The following NRXN1 variants were observed in gnomAD, a reference collection of about 807,000 sequenced individuals.
The protein encoded by NRXN1 is neurexin-1.
Under a neutral mutation model 150.9 loss-of-function variants are expected in NRXN1, and 39 were observed. The observed-to-expected ratio is 0.26, with a 90% CI of 0.20 to 0.34. The LOEUF (loss-of-function observed/expected upper bound fraction) is 0.34. Among genes scored for constraint, NRXN1 ranks in the 10% least tolerant of loss-of-function variants. The probability of loss-of-function intolerance (pLI) is 1.00; values close to 1 mark genes in which losing one functional copy is unlikely to be tolerated. For missense variants in NRXN1, 1,815 were observed against 1,949.9 expected (o/e 0.93, Z 1.30); for synonymous variants, 924 against 757.0 (o/e 1.22, Z -3.62).
intron 21 of NRXN1, chr2:49,973,199 T>A (rs1678259953): frequency 2.0e-5 from 3 of 152,208 alleles, no homozygotes; most frequent in Non-Finnish European, 4.4e-5. Context: ...AATTATTTCA[T>A]CTGGGAGGCA....
chr2:50,786,365 A>G (rs1020883989), intron 5 of NRXN1, among the ~76,000 whole-genome samples: 2 of 152,132 alleles, frequency 1.3e-5, no homozygotes, highest in Non-Finnish European at 2.9e-5. Context: ...GCCAGTCTAT[A>G]AAAGGCTTCA....
intron 17 of NRXN1, among the ~76,000 whole-genome samples, chr2:50,294,189 A>G (rs955411134): frequency 1.3e-5 from 2 of 152,226 alleles, no homozygotes; most frequent in Non-Finnish European, 1.5e-5. Flanking sequence ...GGAGTAAAAT[A>G]AAGTAAGAGC....
chr2:50,797,165 G>C (rs183665020), intron 5 of NRXN1, among the ~76,000 whole-genome samples: 162 of 152,220 alleles, frequency 1.1e-3, no homozygotes, highest in African/African-American at 3.9e-3. Context: ...TCAGATCATA[G>C]CAATTAGTTT....
intron 2 of NRXN1, among the ~76,000 whole-genome samples, chr2:50,981,199 G>A (rs1019326842): frequency 7.9e-5 from 12 of 151,966 alleles, no homozygotes; most frequent in Admixed American, 5.3e-4. Flanking sequence ...GCTCACATCC[G>A]TAATCCCAGC....
chr2:50,863,643 G>A (rs1282070264), intron 5 of NRXN1, among the ~76,000 whole-genome samples: 1 of 151,976 alleles, frequency 6.6e-6, no homozygotes, highest in Non-Finnish European at 1.5e-5. Context: ...TCCTAAAAAT[G>A]TCTGAAAACA....
chr2:50,251,572 G>T (rs1484559764), intron 17 of NRXN1, among the ~76,000 whole-genome samples: 1 of 152,088 alleles, frequency 6.6e-6, no homozygotes, highest in Non-Finnish European at 1.5e-5. Flanking sequence ...GGGTCAAATG[G>T]TATTTCTGGT....
intron 21 of NRXN1, among the ~76,000 whole-genome samples, chr2:49,944,513 T>G (rs1300065456): frequency 6.6e-6 from 1 of 152,160 alleles, no homozygotes; most frequent in Non-Finnish European, 1.5e-5. Context: ...GACATTCTAG[T>G]TGCTTCATTG....
intron 17 of NRXN1, among the ~76,000 whole-genome samples, chr2:50,357,340 C>G (rs563778185): frequency 4.6e-5 from 7 of 151,228 alleles, no homozygotes; most frequent in Admixed American, 4.0e-4. Context: ...CAAAGTTTCA[C>G]TCTTGTTGCC....
intron 17 of NRXN1, among the ~76,000 whole-genome samples, chr2:50,328,603 G>A (rs1310568940): frequency 2.6e-5 from 4 of 152,072 alleles, no homozygotes; most frequent in Non-Finnish European, 5.9e-5. Context: ...TGGCATAGTG[G>A]TGGGCACCTG....
At position 50,806,914 on chromosome 2, in the gene NRXN1, T is replaced by C. The variant is rs186797010; in HGVS notation, c.832+114955A>G. 2.6e-5 allele frequency among the ~76,000 whole-genome samples: 4 copies of C among 152,318 alleles called. No homozygotes were observed. The East Asian group carries it at 7.7e-4, about 29-fold the overall frequency. On this transcript the variant is annotated intron_variant, in intron 5 of 22. Transcript: ENST00000401669. ...CCCCTTGAAGGCAGGTACTTTGTGT[T>C]ACATTCCCAATTTATCTGACAAAAT...
At chr2:50,294,130 ATAGAGCTTCATGACTT>A (rs2073277345) in intron 17 of NRXN1, among the ~76,000 whole-genome samples, 1 of 152,204 alleles carries the variant, frequency 6.6e-6, no homozygotes, top group East Asian at 1.9e-4. Context: ...ACTTTTCCAA[ATAGAGCTTCATGACTT>A]TAAAGCTGCT....
chr2:50,147,236 T>C (rs1489332674), intron 18 of NRXN1, among the ~76,000 whole-genome samples: 1 of 151,742 alleles, frequency 6.6e-6, no homozygotes, highest in East Asian at 1.9e-4. Flanking sequence ...AGAGTAATGA[T>C]GTATTTTTTC....
At chr2:50,672,633 T>A (rs1689019131) in intron 5 of NRXN1, among the ~76,000 whole-genome samples, 1 of 151,930 alleles carries the variant, frequency 6.6e-6, no homozygotes, top group South Asian at 2.1e-4. Context: ...AGTATCAATA[T>A]TTTGCTTAGC....
rs770783010 is a variant in NRXN1 at position 50,635,106 on chromosome 2, T to C, written c.833-11491A>G. Among the ~76,000 whole-genome samples the C allele has an allele frequency of 2.0e-5, 3 of 151,922 alleles. No individual in the cohort carries two copies. In the East Asian group the frequency reaches 5.8e-4, roughly 30 times the overall value. The stretch of plus-strand genomic sequence containing the variant: ...CAAAGACTCAAAGGGATATCTCCTT[T>C]ACTGATGCCTGTGGGCATTCTGGCT... On this transcript the variant is annotated intron_variant, in intron 5 of 22. Transcript: ENST00000401669.
intron 21 of NRXN1, among the ~76,000 whole-genome samples, chr2:49,950,396 A>G (rs1673709959): frequency 6.6e-6 from 1 of 151,926 alleles, no homozygotes; most frequent in Non-Finnish European, 1.5e-5. Context: ...GAGATCCAGT[A>G]TGTGGAGGAT....
At chr2:50,073,395 C>T (rs901317333) in intron 19 of NRXN1, among the ~76,000 whole-genome samples, 1 of 152,122 alleles carries the variant, frequency 6.6e-6, no homozygotes, top group Non-Finnish European at 1.5e-5. Flanking sequence ...ACTGGGATTA[C>T]CTCTCCTCAG....
intron 9 of NRXN1, among the ~76,000 whole-genome samples, chr2:50,543,446 A>G (rs556190595): frequency 1.3e-5 from 2 of 152,136 alleles, no homozygotes; most frequent in Non-Finnish European, 2.9e-5. Flanking sequence ...TTATTTGTGG[A>G]CATACAACTT....
intron 17 of NRXN1, among the ~76,000 whole-genome samples, chr2:50,260,128 C>T (rs1420842465): frequency 2.0e-5 from 3 of 151,846 alleles, no homozygotes; most frequent in African/African-American, 7.2e-5. Flanking sequence ...TCTAGTTAGA[C>T]AATCTGTATC....
intron 15 of NRXN1, among the ~76,000 whole-genome samples, chr2:50,480,183 C>G (rs2090354628): frequency 6.6e-6 from 1 of 152,166 alleles, no homozygotes; most frequent in Non-Finnish European, 1.5e-5. Flanking sequence ...TAGAGTAATA[C>G]ATGACCAGTT....
Sources: gnomAD v4.1 joint callset for allele counts (sites outside exome capture counted in the v4.1 genomes callset) on GRCh38, gnomAD v4.1.1 for gene constraint, MANE v1.5 for transcripts, NCBI Gene and HGNC (gene_info 2026-07-23, HGNC 2026-07-21) for gene names.